SPON1: variants seen among roughly 807,000 people sequenced by gnomAD.
SPON1 encodes the protein spondin 1, also known as spondin-1.
Under a neutral mutation model 111.7 loss-of-function variants are expected in SPON1, and 52 were observed. The observed-to-expected ratio is 0.47, with a 90% confidence interval of 0.37 to 0.59. SPON1 has a LOEUF of 0.59. Among genes scored for constraint, SPON1 ranks in the 20% least tolerant of loss-of-function variants. The pLI is 0.00. For missense variants in SPON1, 957 were observed against 1,068.5 expected, an observed-to-expected ratio of 0.90 and a Z score of 1.46; for synonymous variants, 410 against 395.8, an observed-to-expected ratio of 1.04 and a Z score of -0.43.
chr11:14,264,002 C>A (rs1213333917), intron 15 of SPON1, among the ~76,000 whole-genome samples: 49 of 150,058 alleles, frequency 3.3e-4, no homozygotes, highest in African/African-American at 1.2e-3. Context: ...GCACTCCAGT[C>A]TGGGCAACAA....
intron 10 of SPON1, among the ~76,000 whole-genome samples, chr11:14,257,381 A>G (rs1800157915): frequency 6.6e-6 from 1 of 152,198 alleles, no homozygotes; most frequent in Non-Finnish European, 1.5e-5. Flanking sequence ...GCATGTAAAT[A>G]AGCCTTGAGC....
intron 7 of SPON1, among the ~76,000 whole-genome samples, chr11:14,246,257 G>C (rs1324252090): frequency 6.6e-6 from 1 of 152,210 alleles, no homozygotes. Context: ...GAAAGAGAGA[G>C]CAGTCCTTTT....
At chr11:14,214,720 G>A (rs1426723636) in intron 6 of SPON1, among the ~76,000 whole-genome samples, 2 of 152,098 alleles carry the variant, frequency 1.3e-5, no homozygotes, top group Admixed American at 1.3e-4. Flanking sequence ...AACTGTCTCA[G>A]GATAAATCAG....
chr11:14,192,187 G>A (rs1378060064), intron 6 of SPON1, among the ~76,000 whole-genome samples: 1 of 151,836 alleles, frequency 6.6e-6, no homozygotes, highest in Non-Finnish European at 1.5e-5. Flanking sequence ...TTTAAAATAT[G>A]TGTGAAATGT....
At chr11:14,206,269 C>T (rs1848516225) in intron 6 of SPON1, among the ~76,000 whole-genome samples, 1 of 152,146 alleles carries the variant, frequency 6.6e-6, no homozygotes, top group African/African-American at 2.4e-5. Context: ...TCTTGGCTCA[C>T]TGCAACCTCC....
At chr11:14,154,070 G>A (rs1180515370) in intron 6 of SPON1, among the ~76,000 whole-genome samples, 1 of 152,200 alleles carries the variant, frequency 6.6e-6, no homozygotes, top group African/African-American at 2.4e-5. Context: ...AGCCCCTGCA[G>A]CTGTTTTCAC....
chr11:13,969,305 G>A (rs1468028145), intron 1 of SPON1, among the ~76,000 whole-genome samples: 6 of 151,882 alleles, frequency 4.0e-5, no homozygotes, highest in African/African-American at 1.5e-4. Flanking sequence ...AGGATCTCTT[G>A]AGCTGGAGAA....
chr11:14,133,081 T>C (rs1372008092), intron 5 of SPON1, among the ~76,000 whole-genome samples: 3 of 152,230 alleles, frequency 2.0e-5, no homozygotes, highest in African/African-American at 7.2e-5. Flanking sequence ...AATGCCTTTC[T>C]TTTTTGTTGT....
At position 14,266,429 on chromosome 11, in the gene SPON1, G is replaced by A. The variant is rs1849270134; in HGVS notation, c.*742G>A. On this transcript the variant is annotated 3_prime_UTR_variant, in exon 16 of 16. Transcript: ENST00000576479. Reference sequence around the variant, plus strand: ...AGTGTATTTTTCCCTTGCTTTTGGGGGTTCAGAGGAGTATGTACAATTCTT... The same window carrying A: ...AGTGTATTTTTCCCTTGCTTTTGGGAGTTCAGAGGAGTATGTACAATTCTT... 6.6e-6 allele frequency: 1 copy of A among 151,894 alleles called. No homozygotes were observed. The highest frequency in any genetic ancestry group is 2.1e-4 in the South Asian group (1 of 4,812). 9.4% of individuals were successfully genotyped at this position (151,894 alleles called of 1,614,324 possible).
chr11:14,008,654 A>G (rs1202513157), intron 2 of SPON1, among the ~76,000 whole-genome samples: 1 of 152,168 alleles, frequency 6.6e-6, no homozygotes, highest in Non-Finnish European at 1.5e-5. Flanking sequence ...TCCTACTAAA[A>G]TAATGGATCT....
intron 6 of SPON1, 60 bp from the exon 7 acceptor site, chr11:14,243,272 G>C (rs1848948933): frequency 1.3e-6 from 2 of 1,488,166 alleles, no homozygotes; most frequent in Non-Finnish European, 1.8e-6. Context: ...CCAGGTCAAA[G>C]CCCTATTGTT....
At position 13,999,604 on chromosome 11, in the gene SPON1, G is replaced by A. The variant is rs556317067; in HGVS notation, c.345+16651G>A. Reference sequence around the variant, plus strand: ...TATATTTAGTAGAGATGGGGGTTTCGCCATGTTGGCCAAGCTGGTTTTGAA... The same window carrying A: ...TATATTTAGTAGAGATGGGGGTTTCACCATGTTGGCCAAGCTGGTTTTGAA... On this transcript the variant is annotated intron_variant, in intron 2 of 15. Transcript: ENST00000576479. 2.0e-5 allele frequency among the ~76,000 whole-genome samples: 3 copies of A among 151,986 alleles called. No homozygotes were observed. The South Asian group carries it at 6.2e-4, about 32-fold the overall frequency.
intron 5 of SPON1, among the ~76,000 whole-genome samples, chr11:14,115,972 C>T (rs1355958137): frequency 6.6e-6 from 1 of 152,096 alleles, no homozygotes; most frequent in South Asian, 2.1e-4. Flanking sequence ...AGTGATATCA[C>T]GTTGGGATTT....
intron 6 of SPON1, among the ~76,000 whole-genome samples, chr11:14,220,035 C>T (rs959129073): frequency 1.3e-5 from 2 of 148,756 alleles, no homozygotes; most frequent in East Asian, 2.0e-4. Flanking sequence ...TGCGGTGAGC[C>T]GAGATTGTAC....
intron 5 of SPON1, among the ~76,000 whole-genome samples, chr11:14,106,482 G>A (rs994718979): frequency 1.3e-5 from 2 of 152,114 alleles, no homozygotes; most frequent in African/African-American, 4.8e-5. Context: ...TGCCAAGAAG[G>A]GCCAACTATT....
chr11:14,008,479 T>C (rs919090910), intron 2 of SPON1, among the ~76,000 whole-genome samples: 1 of 152,196 alleles, frequency 6.6e-6, no homozygotes, highest in Admixed American at 6.5e-5. Context: ...CTGACCCACC[T>C]ATGGGTCACA....
intron 6 of SPON1, among the ~76,000 whole-genome samples, chr11:14,223,553 A>G (rs1848704338): frequency 6.6e-6 from 1 of 152,368 alleles, no homozygotes; most frequent in East Asian, 1.9e-4. Flanking sequence ...AAGCCGTAAG[A>G]TGAATGTCAT....
At chr11:14,049,716 T>C (rs2133817701) in intron 3 of SPON1, among the ~76,000 whole-genome samples, 1 of 152,260 alleles carries the variant, frequency 6.6e-6, no homozygotes, top group Admixed American at 6.5e-5. Context: ...CAGCCCTTCA[T>C]CCACAAACTG....
intron 6 of SPON1, among the ~76,000 whole-genome samples, chr11:14,148,324 T>C (rs1373916705): frequency 6.6e-6 from 1 of 152,164 alleles, no homozygotes; most frequent in Non-Finnish European, 1.5e-5. Flanking sequence ...TATATAAGAA[T>C]ATTAATAGTG....
Sources: gnomAD v4.1 joint callset for allele counts (sites outside exome capture counted in the v4.1 genomes callset) on GRCh38, gnomAD v4.1.1 for gene constraint, MANE v1.5 for transcripts, NCBI Gene and HGNC (gene_info 2026-07-23, HGNC 2026-07-21) for gene names.